Variants in FLYWCH1 observed in about 807,000 individuals in gnomAD.
FLYWCH1 encodes the protein FLYWCH-type zinc finger 1, also known as FLYWCH-type zinc finger-containing protein 1.
Under a neutral mutation model 66.4 loss-of-function variants are expected in FLYWCH1, and 75 were observed. That is an observed-to-expected ratio of 1.13 (90% CI 0.94 to 1.37). The LOEUF is 1.37. Among genes scored for constraint, FLYWCH1 ranks in the 40% most tolerant of loss-of-function variants. The pLI is 0.00. For synonymous variants in FLYWCH1, 595 were observed against 429.9 expected, an observed-to-expected ratio of 1.38 and a Z score of -4.75; for missense variants, 1,334 against 1,001.8, an observed-to-expected ratio of 1.33 and a Z score of -4.48.
In FLYWCH1 at chr16:2,929,085, C is replaced by T. The variant is rs761525801; in HGVS notation, c.-73-528C>T. Among the ~76,000 whole-genome samples the T allele has an allele frequency of 5.3e-5, 8 of 152,224 alleles. No individual in the cohort carries two copies. In the South Asian group the frequency reaches 1.4e-3, roughly 28 times the overall value. ...GGCTCTGCGTACCAGGCCCACATGC[C>T]TGAGACAGGTGCCTGGCGTCCTGGT... On this transcript the variant is annotated intron_variant, in intron 2 of 9. Coordinates refer to ENST00000253928, the MANE Select transcript of FLYWCH1 (RefSeq NM_001308068.2).
chr16:2,931,764 T>G (rs907886219), intron 4 of FLYWCH1, among the ~76,000 whole-genome samples: 1 of 152,014 alleles, frequency 6.6e-6, no homozygotes, highest in Admixed American at 6.6e-5. Flanking sequence ...GGTCAGGAGT[T>G]CAAGACCAGC....
intron 4 of FLYWCH1, among the ~76,000 whole-genome samples, chr16:2,931,490 C>G (rs2070761201): frequency 6.6e-6 from 1 of 151,324 alleles, no homozygotes; most frequent in South Asian, 2.1e-4. Flanking sequence ...GTGGTGTGTG[C>G]CTGTGGTCTC....
At chr16:2,948,572 T>C in intron 9 of FLYWCH1, 116 bp from the exon 10 acceptor site, 2 of 1,053,860 alleles carry the variant, frequency 1.9e-6, no homozygotes, top group Non-Finnish European at 2.9e-6. Flanking sequence ...CAAAAATAAA[T>C]GTTCTAGACT....
intron 9 of FLYWCH1, among the ~76,000 whole-genome samples, chr16:2,947,455 G>C (rs2071531197): frequency 6.6e-6 from 1 of 152,102 alleles, no homozygotes; most frequent in South Asian, 2.1e-4. Context: ...TAGCTCAGTA[G>C]AGCTCTTAAA....
At chr16:2,944,928 C>G (rs776886154) in intron 9 of FLYWCH1, among the ~76,000 whole-genome samples, 2 of 152,086 alleles carry the variant, frequency 1.3e-5, no homozygotes, top group African/African-American at 2.4e-5. Flanking sequence ...GAGATGACAG[C>G]TCTAAATGTA....
intron 5 of FLYWCH1, 50 bp downstream of exon 5, chr16:2,933,632 C>G: frequency 1.9e-6 from 3 of 1,561,512 alleles, no homozygotes; most frequent in South Asian, 2.4e-5. Context: ...ACTCTTGCCT[C>G]CAGAGGTCCA....
Position 2,938,437 on chromosome 16 carries a change from G to T in FLYWCH1, c.2031G>T (p.Thr677=). 1 of 1,525,948 alleles carries T rather than the reference G, an allele frequency of 6.6e-7. No individual in the cohort carries two copies. Among genetic ancestry groups the T allele is most frequent in the Non-Finnish European group, 8.8e-7 (1 of 1,137,944 alleles). The allele number at this position is 1,525,948 out of a possible 1,614,324, so 94.5% of individuals were successfully genotyped here. ...GGCAACGGGAGCGGCTCCCCACCAC[G>T]GCCCAGCAGGAGGACCCAGGTACAG... The part of the protein sequence containing the change: ...ALRQRERLPT[T]AQQEDPEKIQ... Residue 677 remains threonine, a synonymous_variant, in exon 8 of 10, where the codon ACG becomes ACT. Coordinates refer to ENST00000253928, the MANE Select transcript of FLYWCH1 (RefSeq NM_001308068.2).
chr16:2,940,163 A>G, intron 9 of FLYWCH1, 71 bp downstream of exon 9: 1 of 772,360 alleles, frequency 1.3e-6, no homozygotes, highest in Non-Finnish European at 2.3e-6. Flanking sequence ...AACAACAAAT[A>G]TTTGCTGTCT....
In FLYWCH1 at chr16:2,945,904, G is replaced by A. The variant is rs1029859298; in HGVS notation, c.2112-2784G>A. ...CCCAGTTACTCGGGAGGCTGAGGCA[G>A]GAGAATGGCGTGAACCCGGGAGGCA... is the stretch of plus-strand genomic sequence containing the variant. On this transcript the variant is annotated intron_variant, in intron 9 of 9. Coordinates refer to ENST00000253928, the MANE Select transcript of FLYWCH1 (RefSeq NM_001308068.2). 3.9e-5 allele frequency among the ~76,000 whole-genome samples: 6 copies of A among 151,984 alleles called. No homozygotes were observed. The East Asian group carries it at 5.8e-4, about 15-fold the overall frequency.
intron 9 of FLYWCH1, among the ~76,000 whole-genome samples, 161 bp from the exon 10 acceptor site, chr16:2,948,527 C>T (rs1355485187): frequency 6.6e-6 from 1 of 152,154 alleles, no homozygotes; most frequent in African/African-American, 2.4e-5. Context: ...CGCACCACTG[C>T]ACTCCAGCCT....
rs2071651498 is a variant in FLYWCH1, at chr16:2,951,195, G to C, written c.*2468G>C. 6.6e-6 allele frequency: 1 copy of C among 152,254 alleles called. No homozygotes were observed. The highest frequency in any genetic ancestry group is 1.5e-5 in the Non-Finnish European group (1 of 68,064). 9.4% of individuals were successfully genotyped at this position (152,254 alleles called of 1,614,324 possible). A position where few individuals can be genotyped will look rare whatever the true frequency, so the allele number is the denominator to read the frequency against. ...ATGAAATTTAAAATAAATCCCCAAG[G>C]CATCAGAAACGTATCAACTAAGAAC... On this transcript the variant is annotated 3_prime_UTR_variant, in exon 10 of 10. Coordinates refer to ENST00000253928, the MANE Select transcript of FLYWCH1 (RefSeq NM_001308068.2).
At chr16:2,925,071 C>T (rs1013227655) in intron 2 of FLYWCH1, among the ~76,000 whole-genome samples, 11 of 152,226 alleles carry the variant, frequency 7.2e-5, no homozygotes, top group Admixed American at 7.2e-4. Context: ...CATGGCGCAG[C>T]TGTGTCCTGC....
Position 2,931,308 on chromosome 16 carries a change from A to T in FLYWCH1, c.796+428A>T, listed in dbSNP as rs1365594790. ...CTGGAGCGAGACTCCATCTCAGTAA[A>T]AAAAAAAAAAAAAAAAAAAAAATAC... On this transcript the variant is annotated intron_variant, in intron 4 of 9. Coordinates refer to ENST00000253928, the MANE Select transcript of FLYWCH1 (RefSeq NM_001308068.2). Among the ~76,000 whole-genome samples, 5 of 42,762 alleles carry T rather than the reference A, an allele frequency of 1.2e-4. No individual in the cohort carries two copies. The South Asian group carries it at 2.2e-3, about 19-fold the overall frequency. 28.1% of individuals were successfully genotyped at this position (42,762 alleles called of 152,430 possible).
chr16:2,934,569 T>C, intron 6 of FLYWCH1: 1 of 445,086 alleles, frequency 2.2e-6, no homozygotes, highest in Non-Finnish European at 4.5e-6. Context: ...AGGAGCCATT[T>C]CATCGTGGCC....
chr16:2,926,886 C>G (rs1324331912), intron 2 of FLYWCH1, among the ~76,000 whole-genome samples: 1 of 152,182 alleles, frequency 6.6e-6, no homozygotes, highest in African/African-American at 2.4e-5. Flanking sequence ...ATACCTGTAA[C>G]ATTACAACCT....
chr16:2,926,371 G>C (rs1267231576), intron 2 of FLYWCH1, among the ~76,000 whole-genome samples: 1 of 152,322 alleles, frequency 6.6e-6, no homozygotes, highest in East Asian at 1.9e-4. Flanking sequence ...TTTCAAACAG[G>C]AGAAGATAGC....
intron 2 of FLYWCH1, among the ~76,000 whole-genome samples, chr16:2,924,679 A>G (rs992476323): frequency 6.6e-6 from 1 of 152,176 alleles, no homozygotes; most frequent in Admixed American, 6.5e-5. Context: ...CAGGCTAGTC[A>G]AGGTTCAGGC....
In FLYWCH1 at chr16:2,912,017, C is replaced by A. The variant is rs912347115; in HGVS notation, c.-325C>A. ...CGGGGCTCGCTCCCGAGGGGCAGGTCGGGGCTGGGAGCTGGTGCCCGGGTC... is the reference window on the plus strand; with the variant it reads ...CGGGGCTCGCTCCCGAGGGGCAGGTAGGGGCTGGGAGCTGGTGCCCGGGTC... On this transcript the variant is annotated 5_prime_UTR_variant, in exon 1 of 10. Transcript: ENST00000253928. 6.6e-6 allele frequency: 1 copy of A among 152,560 alleles called. No individual in the cohort carries two copies. The highest frequency in any genetic ancestry group is 2.0e-4 in the South Asian group (1 of 4,896). The allele number at this position is 152,560 out of a possible 1,614,324, so 9.5% of individuals were successfully genotyped here. A position where few individuals can be genotyped will look rare whatever the true frequency, so the allele number is the denominator to read the frequency against.
chr16:2,934,214 T>TAGC (rs1047871641), intron 6 of FLYWCH1, among the ~76,000 whole-genome samples: 4 of 152,120 alleles, frequency 2.6e-5, no homozygotes, highest in African/African-American at 9.7e-5. Context: ...TGCCCCACAG[T>TAGC]AGCAGCAGCA....
Sources: gnomAD v4.1 joint callset for allele counts (sites outside exome capture counted in the v4.1 genomes callset) on GRCh38, gnomAD v4.1.1 for gene constraint, MANE v1.5 for transcripts, NCBI Gene and HGNC (gene_info 2026-07-23, HGNC 2026-07-21) for gene names.